The following MSRA variants were observed in gnomAD, a reference collection of about 807,000 sequenced individuals.
MSRA encodes the protein methionine sulfoxide reductase A, also known as mitochondrial peptide methionine sulfoxide reductase.
Under a neutral mutation model 31.3 loss-of-function variants are expected in MSRA, and 54 were observed. The observed-to-expected ratio is 1.73, with a 90% CI of 1.39 to 2.17. The LOEUF is 2.17. MSRA is among the 30% of genes most tolerant of loss of function. The pLI is 0.00. For missense variants in MSRA, 507 were observed against 300.9 expected (o/e 1.69, Z -5.07); for synonymous variants, 169 against 116.5 (o/e 1.45, Z -2.90).
intron 4 of MSRA, among the ~76,000 whole-genome samples, chr8:10,314,693 C>A (rs1801616915): frequency 6.6e-6 from 1 of 152,254 alleles, no homozygotes; most frequent in East Asian, 1.9e-4. Context: ...TAAGAGAATA[C>A]ATGTCAAGAA....
chr8:10,145,034 T>C (rs1233909493), intron 1 of MSRA, among the ~76,000 whole-genome samples: 2 of 152,184 alleles, frequency 1.3e-5, no homozygotes, highest in African/African-American at 2.4e-5. Flanking sequence ...AGACAATAAA[T>C]AGCTGTCAGG....
chr8:10,276,450 C>T (rs932708780), intron 3 of MSRA, among the ~76,000 whole-genome samples: 1 of 152,220 alleles, frequency 6.6e-6, no homozygotes, highest in Non-Finnish European at 1.5e-5. Context: ...CAATTCCGGC[C>T]TCACAATGCA....
At chr8:10,237,482 A>G (rs982800109) in intron 2 of MSRA, among the ~76,000 whole-genome samples, 3 of 152,268 alleles carry the variant, frequency 2.0e-5, no homozygotes, top group African/African-American at 4.8e-5. Context: ...ATCTAAGTTC[A>G]ATAAAATTCT....
At chr8:10,421,288 T>A (rs1333633674) in intron 5 of MSRA, among the ~76,000 whole-genome samples, 1 of 152,140 alleles carries the variant, frequency 6.6e-6, no homozygotes, top group East Asian at 1.9e-4. Context: ...TGTCCTCAGC[T>A]GAGAAACAGG....
intron 4 of MSRA, among the ~76,000 whole-genome samples, chr8:10,304,656 A>G (rs1038319713): frequency 6.6e-6 from 1 of 152,116 alleles, no homozygotes; most frequent in South Asian, 2.1e-4. Context: ...GCTATCACTC[A>G]CTCACCACAT....
intron 4 of MSRA, among the ~76,000 whole-genome samples, chr8:10,313,386 A>C (rs985443112): frequency 6.6e-6 from 1 of 152,014 alleles, no homozygotes; most frequent in African/African-American, 2.4e-5. Flanking sequence ...AGAAACTTCT[A>C]TTATGTCCAC....
chr8:10,165,393 A>G (rs1265411496), intron 1 of MSRA, among the ~76,000 whole-genome samples: 2 of 152,210 alleles, frequency 1.3e-5, no homozygotes. Context: ...TGAGTTTCCG[A>G]TTAAAAACCC....
intron 1 of MSRA, among the ~76,000 whole-genome samples, chr8:10,186,937 C>T (rs1452955638): frequency 6.6e-6 from 1 of 152,184 alleles, no homozygotes; most frequent in Non-Finnish European, 1.5e-5. Flanking sequence ...GAGCTGTCAT[C>T]AGTCATTCCG....
chr8:10,161,596 T>G (rs1408150030), intron 1 of MSRA, among the ~76,000 whole-genome samples: 2 of 152,180 alleles, frequency 1.3e-5, no homozygotes, highest in East Asian at 1.9e-4. Flanking sequence ...TTATACAATC[T>G]CAACAAATGG....
chr8:10,064,290 C>G (rs1373268045), intron 1 of MSRA, among the ~76,000 whole-genome samples: 1 of 152,092 alleles, frequency 6.6e-6, no homozygotes, highest in African/African-American at 2.4e-5. Context: ...CCTGCGTGTC[C>G]TCTGGGTCAG....
At chr8:10,197,618 C>T (rs754934944) in intron 1 of MSRA, among the ~76,000 whole-genome samples, 2 of 152,098 alleles carry the variant, frequency 1.3e-5, no homozygotes, top group Non-Finnish European at 2.9e-5. Context: ...TGGGGTTTGG[C>T]TGAAATGCAG....
At chr8:10,256,163 A>T (rs1222223756) in intron 3 of MSRA, among the ~76,000 whole-genome samples, 1 of 152,024 alleles carries the variant, frequency 6.6e-6, no homozygotes, top group African/African-American at 2.4e-5. Flanking sequence ...GCAACTGCTG[A>T]TCTTTTCGGA....
chr8:10,065,533 C>A (rs557140072), intron 1 of MSRA, among the ~76,000 whole-genome samples: 54 of 152,334 alleles, frequency 3.5e-4, no homozygotes, highest in Middle Eastern at 3.4e-3. Context: ...TTTGGGGAGA[C>A]ACACACCTGA....
chr8:10,278,916 T>C (rs753436998), intron 3 of MSRA, among the ~76,000 whole-genome samples: 1 of 152,234 alleles, frequency 6.6e-6, no homozygotes, highest in Non-Finnish European at 1.5e-5. Context: ...TGGCACCATG[T>C]AGGTGGTAGT....
rs116936896 is a variant in MSRA at position 10,354,688 on chromosome 8, G to A, written c.543+34699G>A. Among the ~76,000 whole-genome samples, 398 of 147,736 alleles carry A rather than the reference G, an allele frequency of 2.7e-3. 5 individuals are homozygous for A. The highest frequency in any genetic ancestry group is 0.025 in the Middle Eastern group (7 of 278). ...GAAAATATTTGTAACCTGCATTTTC[G>A]CTGCATATTCATTTCATGAATATCT... On this transcript the variant is annotated intron_variant, in intron 5 of 5. Transcript: ENST00000317173.
At chr8:10,157,757 C>T (rs1045321936) in intron 1 of MSRA, among the ~76,000 whole-genome samples, 3 of 151,926 alleles carry the variant, frequency 2.0e-5, no homozygotes, top group African/African-American at 7.3e-5. Flanking sequence ...AGGCCTCTCT[C>T]CCCCTCTCTC....
At chr8:10,248,675 C>G (rs1439849708) in intron 3 of MSRA, among the ~76,000 whole-genome samples, 2 of 152,182 alleles carry the variant, frequency 1.3e-5, no homozygotes, top group South Asian at 4.1e-4. Flanking sequence ...TGACTCTGAA[C>G]CCCAAATCGG....
At chr8:10,329,346 G>T (rs1481211746) in intron 5 of MSRA, among the ~76,000 whole-genome samples, 1 of 152,154 alleles carries the variant, frequency 6.6e-6, no homozygotes, top group Admixed American at 6.5e-5. Flanking sequence ...GCGTCTGGTG[G>T]GTGCCACCAT....
At position 10,293,488 on chromosome 8, in the gene MSRA, C is replaced by T. The variant is rs145237451; in HGVS notation, c.332-8046C>T. On this transcript the variant is annotated intron_variant, in intron 3 of 5. Coordinates refer to ENST00000317173, the MANE Select transcript of MSRA (RefSeq NM_012331.5). ...GCGCCCACCAATGCTCTCCTCCAGACATCTGCATCTCTGAGCATCTTAGCC... is the reference window on the plus strand; with the variant it reads ...GCGCCCACCAATGCTCTCCTCCAGATATCTGCATCTCTGAGCATCTTAGCC... 7.5e-4 allele frequency among the ~76,000 whole-genome samples: 115 copies of T among 152,362 alleles called. No individual in the cohort carries two copies. In the Middle Eastern group the frequency reaches 0.017, roughly 23 times the overall value.
Sources: allele counts gnomAD v4.1 joint callset (sites outside exome capture counted in the v4.1 genomes callset), GRCh38; gene constraint gnomAD v4.1.1; transcripts MANE v1.5; gene names NCBI Gene and HGNC (gene_info 2026-07-23, HGNC 2026-07-21).